RAD51D: variants seen among roughly 807,000 people sequenced by gnomAD.
RAD51D encodes the protein DNA repair protein RAD51 homolog 4.
RAD51D carries 38 observed loss-of-function variants against 44.1 expected under a neutral mutation model. That is an observed-to-expected ratio of 0.86 (90% CI 0.67 to 1.13). RAD51D has a LOEUF of 1.13. Ranked by LOEUF, RAD51D falls within the 50% of genes most tolerant of loss-of-function variation. RAD51D has a pLI of 0.00. For synonymous variants in RAD51D, 141 were observed against 166.6 expected (o/e 0.85, Z 1.18); for missense variants, 390 against 414.0 (o/e 0.94, Z 0.50).
In RAD51D at chr17:35,107,159, G is replaced by A. The variant is rs778258461; in HGVS notation, c.346-37C>T. Reference sequence around the variant, plus strand: ...GGCATTGGATGAACTTGACACTTCAGAGAGGGTCCAGATGGGAGCTCCCCA... The same window carrying A: ...GGCATTGGATGAACTTGACACTTCAAAGAGGGTCCAGATGGGAGCTCCCCA... On this transcript the variant is annotated intron_variant, in intron 4 of 9. Coordinates refer to ENST00000345365, the MANE Select transcript of RAD51D (RefSeq NM_002878.4). 5 of 1,612,906 alleles carry A rather than the reference G, an allele frequency of 3.1e-6. No homozygotes were observed. The South Asian group carries it at 5.5e-5, about 18-fold the overall frequency.
intron 2 of RAD51D, 30 bp from the exon 3 acceptor site, chr17:35,118,649 C>A (rs763901827): frequency 1.3e-6 from 2 of 1,566,194 alleles, no homozygotes; most frequent in South Asian, 1.1e-5. Context: ...TGCTCAGCAA[C>A]AAATTGCCCG....
At chr17:35,107,212 C>A in intron 4 of RAD51D, 90 bp from the exon 5 acceptor site, 1 of 1,541,272 alleles carries the variant, frequency 6.5e-7, no homozygotes. Context: ...TCCAGCAACA[C>A]AAATGGGCTG....
chr17:35,100,115 G>C lies in RAD51D; in HGVS notation c.*838C>G. 1.9e-6 allele frequency: 1 copy of C among 533,078 alleles called. No homozygotes were observed. The highest frequency in any genetic ancestry group is 3.6e-6 in the Non-Finnish European group (1 of 275,616). 33.0% of individuals were successfully genotyped at this position (533,078 alleles called of 1,614,324 possible). On this transcript the variant is annotated 3_prime_UTR_variant, in exon 10 of 10. Transcript: ENST00000345365. ...GCAAGGCCATGGTTCAGCACCTCTG[G>C]TTATGCTGTACTGTGGAGGGGCCCC...
intron 3 of RAD51D, chr17:35,116,977 C>A (rs771521302): frequency 1.2e-6 from 2 of 1,613,972 alleles, no homozygotes; most frequent in Non-Finnish European, 1.7e-6. Flanking sequence ...CACGATCTCC[C>A]TGCGGGGACC....
rs1060502963 is a variant in RAD51D at position 35,101,346 on chromosome 17, C to A, written c.758G>T (p.Arg253Leu). 6.2e-7 allele frequency: 1 copy of A among 1,613,950 alleles called. No homozygotes were observed. The highest frequency in any genetic ancestry group is 8.5e-7 in the Non-Finnish European group (1 of 1,180,036). ...MAVVVTNHIT[R>L]DRDSGRLKPA... is the part of the protein sequence containing the mutation. ...TTTGAGCCTCCCGCTGTCCCTGTCTCGAGTTATGTGGTTGGTCACCTGCAG... is the reference window on the plus strand; with the variant it reads ...TTTGAGCCTCCCGCTGTCCCTGTCTAGAGTTATGTGGTTGGTCACCTGCAG... The change falls in exon 9 of 10, where the codon CGA becomes CTA. Residue 253 changes from arginine to leucine, a missense_variant. Transcript: ENST00000345365.
intron 3 of RAD51D, among the ~76,000 whole-genome samples, chr17:35,111,324 A>G (rs1021817161): frequency 4.0e-5 from 6 of 150,466 alleles, no homozygotes; most frequent in African/African-American, 1.5e-4. Context: ...ATTGCACTCC[A>G]GGTCAGGCAA....
chr17:35,101,437 C>T (rs2091537648), intron 8 of RAD51D, 72 bp from the exon 9 acceptor site: 20 of 1,525,120 alleles, frequency 1.3e-5, no homozygotes, highest in East Asian at 4.5e-5. Context: ...CTTCATTTTA[C>T]GGAGAGGAAA....
chr17:35,097,601 CA>C lies in RAD51D; in HGVS notation c.*3351del, dbSNP rs2091496628. The C allele has an allele frequency of 6.7e-6, 1 of 149,534 alleles. No homozygotes were observed. Among genetic ancestry groups the C allele is most frequent in the Non-Finnish European group, 1.5e-5 (1 of 67,980 alleles). 9.3% of individuals were successfully genotyped at this position (149,534 alleles called of 1,614,324 possible). On this transcript the variant is annotated 3_prime_UTR_variant, in exon 10 of 10. Transcript: ENST00000345365. Reference sequence around the variant, plus strand: ...GCCCTCAGGTCTCAAACCACCCCCGCAGGGGAAATTGAAAGTTGACGCTTTA... The same window carrying C: ...GCCCTCAGGTCTCAAACCACCCCCGCGGGGAAATTGAAAGTTGACGCTTTA...
chr17:35,119,007 C>T, intron 2 of RAD51D, 104 bp downstream of exon 2: 1 of 1,148,326 alleles, frequency 8.7e-7, no homozygotes. Context: ...GCCTCGGCCT[C>T]CCAAAGTGCT....
Position 35,119,103 on chromosome 17 carries a change from G to A in RAD51D, c.144+8C>T, listed in dbSNP as rs1060504766. The A allele has an allele frequency of 6.2e-7, 1 of 1,611,370 alleles. No individual in the cohort carries two copies. The highest frequency in any genetic ancestry group is 8.5e-7 in the Non-Finnish European group (1 of 1,177,514). ...CTCAGGTTTGGAATGTGGAGATCAGGAGCTCACCTTGTAAGACAAGCCACA... is the reference window on the plus strand; with the variant it reads ...CTCAGGTTTGGAATGTGGAGATCAGAAGCTCACCTTGTAAGACAAGCCACA... On this transcript the variant is annotated splice_region_variant and intron_variant, in intron 2 of 9. Coordinates refer to ENST00000345365, the MANE Select transcript of RAD51D (RefSeq NM_002878.4).
Position 35,111,521 on chromosome 17 carries a change from G to C in RAD51D, c.264-4074C>G, listed in dbSNP as rs567221206. Reference sequence around the variant, plus strand: ...GTCAAGGCTGCAGTGAGCTGTAATAGCAGCAGTACCCTCCATCCTGGGTGA... The same window carrying C: ...GTCAAGGCTGCAGTGAGCTGTAATACCAGCAGTACCCTCCATCCTGGGTGA... On this transcript the variant is annotated intron_variant, in intron 3 of 9. Transcript: ENST00000345365. Among the ~76,000 whole-genome samples, 22 of 151,988 alleles carry C rather than the reference G, an allele frequency of 1.4e-4. No individual in the cohort carries two copies. The South Asian group carries it at 4.6e-3, about 32-fold the overall frequency.
intron 3 of RAD51D, among the ~76,000 whole-genome samples, chr17:35,110,839 G>A (rs2091665557): frequency 6.6e-6 from 1 of 152,198 alleles, no homozygotes; most frequent in Admixed American, 6.5e-5. Context: ...GGGCGCGGTG[G>A]CTCACGCCAG....
intron 3 of RAD51D, among the ~76,000 whole-genome samples, chr17:35,115,489 G>C (rs1356035421): frequency 1.3e-5 from 2 of 152,120 alleles, no homozygotes; most frequent in Non-Finnish European, 2.9e-5. Context: ...ATTTGGATTA[G>C]TCAGGCATTT....
At position 35,099,586 on chromosome 17, in the gene RAD51D, C is replaced by T; in HGVS notation, c.*1367G>A. The T allele has an allele frequency of 2.9e-6, 1 of 347,242 alleles. No individual in the cohort carries two copies. Among genetic ancestry groups the T allele is most frequent in the South Asian group, 2.4e-5 (1 of 41,958 alleles). The allele number at this position is 347,242 out of a possible 1,614,324, so 21.5% of individuals were successfully genotyped here. ...ACCAACCCTGTCCTGAATCCAACAC[C>T]CTGGTGCCAGTTTGCCACTCCTTCC... On this transcript the variant is annotated 3_prime_UTR_variant, in exon 10 of 10. Coordinates refer to ENST00000345365, the MANE Select transcript of RAD51D (RefSeq NM_002878.4).
chr17:35,116,791 G>T (rs2091753942), intron 3 of RAD51D: 1 of 1,283,200 alleles, frequency 7.8e-7, no homozygotes, highest in Non-Finnish European at 1.1e-6. Context: ...ACTGCGCCCG[G>T]CCTAGAATGA....
intron 6 of RAD51D, among the ~76,000 whole-genome samples, chr17:35,105,799 T>A (rs1005228068): frequency 3.3e-5 from 5 of 151,948 alleles, no homozygotes; most frequent in African/African-American, 1.2e-4. Context: ...TTTGGCCAAC[T>A]AGATGTAAGG....
chr17:35,097,471 G>A lies in RAD51D; in HGVS notation c.*3482C>T, dbSNP rs975991360. 7.1e-6 allele frequency: 1 copy of A among 140,800 alleles called. No individual in the cohort carries two copies. Among genetic ancestry groups the A allele is most frequent in the East Asian group, 2.1e-4 (1 of 4,664 alleles). The allele number at this position is 140,800 out of a possible 1,614,324, so 8.7% of individuals were successfully genotyped here. On this transcript the variant is annotated 3_prime_UTR_variant, in exon 10 of 10. Transcript: ENST00000345365. The stretch of plus-strand genomic sequence containing the variant: ...TATGTGTGTATATATATATATGTGT[G>A]TATATATATGTATATATATGTGTGT...
chr17:35,102,261 TC>T (rs2091548100), intron 8 of RAD51D, among the ~76,000 whole-genome samples: 1 of 151,160 alleles, frequency 6.6e-6, no homozygotes, highest in East Asian at 2.0e-4. Context: ...CACTGCAGCC[TC>T]GATCTCCCAG....
chr17:35,118,236 T>G (rs933167419), intron 3 of RAD51D, among the ~76,000 whole-genome samples: 29 of 152,144 alleles, frequency 1.9e-4, no homozygotes, highest in African/African-American at 7.0e-4. Flanking sequence ...AGGCCAGAGA[T>G]GCTGCTAAAC....
Sources: allele counts gnomAD v4.1 joint callset (sites outside exome capture counted in the v4.1 genomes callset), GRCh38; gene constraint gnomAD v4.1.1; transcripts MANE v1.5; gene names NCBI Gene and HGNC (gene_info 2026-07-23, HGNC 2026-07-21).